SH3KBP1: variants seen among roughly 807,000 people sequenced by gnomAD.
SH3KBP1 encodes the protein SH3 domain-containing kinase-binding protein 1.
A neutral mutation model predicts 50.1 loss-of-function variants in SH3KBP1; 8 were observed. The observed-to-expected ratio is 0.16, with a 90% CI of 0.09 to 0.29. SH3KBP1 has a LOEUF of 0.29. Among genes scored for constraint, SH3KBP1 ranks in the 10% least tolerant of loss-of-function variants. The pLI, the probability that SH3KBP1 is intolerant of heterozygous loss-of-function variation, is 1.00. For synonymous variants in SH3KBP1, 227 were observed against 218.6 expected, an observed-to-expected ratio of 1.04 and a Z score of -0.34; for missense variants, 377 against 535.2, an observed-to-expected ratio of 0.70 and a Z score of 2.92.
intron 4 of SH3KBP1, among the ~76,000 whole-genome samples, chrX:19,698,127 G>A (rs958949526): frequency 1.8e-5 from 2 of 111,738 alleles, no homozygotes; most frequent in African/African-American, 6.5e-5. Context: ...ATAGTCACAG[G>A]ATTTGTGGAG....
Position 19,551,550 on chromosome X carries a change from C to CTTTTTTTTTT in SH3KBP1, c.1385-1477_1385-1468dup, listed in dbSNP as rs397800260. On this transcript the variant is annotated intron_variant, in intron 13 of 17. Transcript: ENST00000397821. ...CTTTCTTTTCTTTCCCTCCCTCCCTCTTTTTTTTTTTTTTGACAGGGTCTT... is the reference window on the plus strand; with the variant it reads ...CTTTCTTTTCTTTCCCTCCCTCCCTCTTTTTTTTTTTTTTTTTTTTTTTTGACAGGGTCTT... Among the ~76,000 whole-genome samples the CTTTTTTTTTT allele has an allele frequency of 3.9e-4, 37 of 95,147 alleles. 1 individual carries two copies. Among genetic ancestry groups the CTTTTTTTTTT allele is most frequent in the African/African-American group, 8.6e-4 (20 of 23,234 alleles). 82.6% of individuals were successfully genotyped at this position (95,147 alleles called of 115,157 possible). A position where few individuals can be genotyped will look rare whatever the true frequency, so the allele number is the denominator to read the frequency against.
chrX:19,636,783 G>A (rs2061714001), intron 7 of SH3KBP1, among the ~76,000 whole-genome samples: 1 of 111,654 alleles, frequency 9.0e-6, no homozygotes, highest in Non-Finnish European at 1.9e-5. Context: ...ATACACAGAA[G>A]GAAATAACAT....
chrX:19,643,101 TC>T (rs1317903262), intron 7 of SH3KBP1, among the ~76,000 whole-genome samples: 1 of 109,339 alleles, frequency 9.1e-6, no homozygotes, highest in Non-Finnish European at 1.9e-5. Flanking sequence ...ATGTAGTTGT[TC>T]AGTTACTCTG....
chrX:19,619,934 G>A (rs758421875), intron 8 of SH3KBP1, among the ~76,000 whole-genome samples: 1 of 111,978 alleles, frequency 8.9e-6, no homozygotes, highest in African/African-American at 3.2e-5. Flanking sequence ...CCGCTTAATC[G>A]GAAATCTTAA....
At chrX:19,724,003 T>C (rs1394444544) in intron 3 of SH3KBP1, among the ~76,000 whole-genome samples, 3 of 111,805 alleles carry the variant, frequency 2.7e-5, no homozygotes, top group Non-Finnish European at 5.6e-5. Flanking sequence ...TAAAGACTTT[T>C]CTCTTTATTT....
At chrX:19,719,953 T>C (rs759772478) in intron 3 of SH3KBP1, among the ~76,000 whole-genome samples, 9 of 109,493 alleles carry the variant, frequency 8.2e-5, no homozygotes, top group East Asian at 2.9e-4. Flanking sequence ...TCACCCAGCA[T>C]TGCAACCCCT....
At chrX:19,632,643 A>G (rs950699229) in intron 7 of SH3KBP1, among the ~76,000 whole-genome samples, 2 of 112,582 alleles carry the variant, frequency 1.8e-5, no homozygotes, top group Non-Finnish European at 3.7e-5. Context: ...AATAGCCCTC[A>G]CCAAAGAGGG....
intron 1 of SH3KBP1, among the ~76,000 whole-genome samples, chrX:19,866,692 T>TAAA (rs11393561): frequency 1.2e-4 from 11 of 95,339 alleles, no homozygotes; most frequent in African/African-American, 4.0e-4. Flanking sequence ...CCTGTCTCTT[T>TAAA]AAAAAAAAAA....
chrX:19,788,269 C>CAAAAAAAAAAA (rs1227301099), intron 2 of SH3KBP1, among the ~76,000 whole-genome samples: 6 of 25,579 alleles, frequency 2.3e-4, no homozygotes, highest in Admixed American at 4.9e-4. Flanking sequence ...ATTCTATCTC[C>CAAAAAAAAAAA]AAAAAAAAAA....
chrX:19,704,520 A>G (rs2063609060), intron 4 of SH3KBP1, among the ~76,000 whole-genome samples: 1 of 112,782 alleles, frequency 8.9e-6, no homozygotes, highest in Admixed American at 9.4e-5. Context: ...GATCACAAGC[A>G]TATAGATATA....
chrX:19,769,502 A>G (rs990598092), intron 2 of SH3KBP1, among the ~76,000 whole-genome samples: 3 of 111,209 alleles, frequency 2.7e-5, no homozygotes, highest in African/African-American at 9.8e-5. Context: ...ACAAACAAAA[A>G]GAAATTCTGT....
At chrX:19,665,453 T>C (rs2062574146) in intron 6 of SH3KBP1, among the ~76,000 whole-genome samples, 1 of 111,925 alleles carries the variant, frequency 8.9e-6, no homozygotes, top group African/African-American at 3.2e-5. Context: ...TAAAGAAGTG[T>C]CTTTTAGAGG....
At chrX:19,858,788 T>C (rs1195207193) in intron 1 of SH3KBP1, among the ~76,000 whole-genome samples, 1 of 111,823 alleles carries the variant, frequency 8.9e-6, no homozygotes, top group African/African-American at 3.3e-5. Context: ...CCAATTAGAA[T>C]CAGGAAAAAT....
At chrX:19,560,763 A>T (rs191923436) in intron 13 of SH3KBP1, among the ~76,000 whole-genome samples, 134 of 111,031 alleles carry the variant, frequency 1.2e-3, no homozygotes, top group African/African-American at 4.1e-3. Context: ...CATCTTCTTT[A>T]ACAGCACTTT....
intron 2 of SH3KBP1, among the ~76,000 whole-genome samples, chrX:19,820,813 T>C (rs1366499316): frequency 9.0e-6 from 1 of 111,656 alleles, no homozygotes. Flanking sequence ...CTTTAGAATT[T>C]CCTTTTATAT....
At chrX:19,585,075 T>C (rs1213953303) in intron 12 of SH3KBP1, among the ~76,000 whole-genome samples, 1 of 112,355 alleles carries the variant, frequency 8.9e-6, no homozygotes, top group East Asian at 2.8e-4. Context: ...GGTTGTTCAA[T>C]GTAATCGCTT....
chrX:19,667,183 G>A (rs998808773), intron 6 of SH3KBP1, among the ~76,000 whole-genome samples: 2 of 112,071 alleles, frequency 1.8e-5, no homozygotes, highest in African/African-American at 6.5e-5. Flanking sequence ...AGTAGCTGCC[G>A]GGGTCAGGGG....
chrX:19,827,896 A>C (rs1362558981), intron 2 of SH3KBP1, among the ~76,000 whole-genome samples: 3 of 99,618 alleles, frequency 3.0e-5, no homozygotes, highest in Admixed American at 1.1e-4. Context: ...CAAAAAAACA[A>C]ACAAACAAAC....
At chrX:19,691,369 T>TATA (rs1440622364) in intron 5 of SH3KBP1, among the ~76,000 whole-genome samples, 1 of 96,658 alleles carries the variant, frequency 1.0e-5, no homozygotes, top group African/African-American at 3.8e-5. Flanking sequence ...TATATATATA[T>TATA]ATCTTTTGAG....
Sources: gnomAD v4.1 joint callset for allele counts (sites outside exome capture counted in the v4.1 genomes callset) on GRCh38, gnomAD v4.1.1 for gene constraint, MANE v1.5 for transcripts, NCBI Gene and HGNC (gene_info 2026-07-23, HGNC 2026-07-21) for gene names.